Variants in TTC39A observed in about 807,000 individuals in gnomAD.
The protein encoded by TTC39A is tetratricopeptide repeat domain 39A, also known as tetratricopeptide repeat protein 39A.
Under a neutral mutation model 82.3 loss-of-function variants are expected in TTC39A, and 46 were observed. The ratio of observed to expected loss-of-function variants is 0.56; its 90% confidence interval spans 0.44 to 0.71. The LOEUF is 0.71. Ranked by LOEUF, TTC39A falls within the 30% of genes least tolerant of loss-of-function variation. The pLI is 0.00. For missense variants in TTC39A, 543 were observed against 712.9 expected, an observed-to-expected ratio of 0.76 and a Z score of 2.71; for synonymous variants, 254 against 275.2, an observed-to-expected ratio of 0.92 and a Z score of 0.76.
At chr1:51,302,064 C>T (rs1283885560) in intron 11 of TTC39A, 1 of 715,380 alleles carries the variant, frequency 1.4e-6, no homozygotes, top group Non-Finnish European at 2.6e-6. Flanking sequence ...GATGGGCTTT[C>T]CTAACCTCTG....
rs749200792 is a variant in TTC39A at position 51,311,281 on chromosome 1, C to T, written c.396G>A (p.Leu132=). ...HAEVCYAECL[L]QRAALTFLQD... ...GCAGGAAGGTCAGGGCTGCTCGCTG[C>T]AGCAGGCACTCTGCATAGCAGACCT... The change falls in exon 5 of 18, where the codon CTG becomes CTA. Residue 132 remains leucine (L), a synonymous_variant. Transcript: ENST00000680483. The T allele has an allele frequency of 3.7e-5, 58 of 1,587,500 alleles. No homozygotes were observed. The highest frequency in any genetic ancestry group is 4.6e-5 in the Non-Finnish European group (54 of 1,167,246).
chr1:51,310,944 G>C (rs1645058478), intron 5 of TTC39A, among the ~76,000 whole-genome samples: 1 of 152,234 alleles, frequency 6.6e-6, no homozygotes, highest in African/African-American at 2.4e-5. Flanking sequence ...CAAATGGAAA[G>C]CAGGCTTTGA....
Position 51,312,841 on chromosome 1 carries a change from C to G in TTC39A, c.249G>C (p.Met83Ile), listed in dbSNP as rs765444885. ...GACACAGCATCTGTGCCTCCTTCAT[C>G]ATGTTGCCGGCAAGCAGGATGTCCT... ...DPQDILLAGN[M>I]MKEAQMLCQR... The change falls in exon 3 of 18, where the codon ATG (methionine) becomes ATC (isoleucine). Residue 83 changes from methionine to isoleucine, a missense_variant. By Grantham distance (10) the Met-to-Ile change is conservative. Coordinates refer to ENST00000680483, the MANE Select transcript of TTC39A (RefSeq NM_001297663.2). 2.0e-5 allele frequency: 33 copies of G among 1,613,968 alleles called. No homozygotes were observed. The highest frequency in any genetic ancestry group is 2.8e-5 in the Non-Finnish European group (33 of 1,179,842).
chr1:51,324,547 G>A (rs1645641853), intron 1 of TTC39A, among the ~76,000 whole-genome samples: 1 of 151,920 alleles, frequency 6.6e-6, no homozygotes, highest in African/African-American at 2.4e-5. Flanking sequence ...TTGAGGAGAG[G>A]GTGTCTCTCT....
Position 51,305,124 on chromosome 1 carries a change from C to T in TTC39A, c.611G>A (p.Arg204Lys). The T allele has an allele frequency of 6.2e-7, 1 of 1,613,520 alleles. No individual in the cohort carries two copies. Among genetic ancestry groups the T allele is most frequent in the Non-Finnish European group, 8.5e-7 (1 of 1,179,602 alleles). The change falls in exon 8 of 18, where the codon AGG (arginine) becomes AAG (lysine). Residue 204 changes from arginine (R) to lysine (K), a missense_variant. By Grantham distance (26) the Arg-to-Lys change is conservative. Transcript: ENST00000680483. Reference sequence around the variant, plus strand: ...CACAAACTCCAACAGCCTCAGGATCCTAGTAGGAAGCATGGACAGTGTCTG... The same window carrying T: ...CACAAACTCCAACAGCCTCAGGATCTTAGTAGGAAGCATGGACAGTGTCTG... ...FNLTLSMLPT[R>K]ILRLLEFVGF... is the part of the protein sequence containing the mutation.
chr1:51,338,988 G>A (rs1370781486), intron 1 of TTC39A, among the ~76,000 whole-genome samples: 1 of 152,142 alleles, frequency 6.6e-6, no homozygotes, highest in Non-Finnish European at 1.5e-5. Flanking sequence ...TAAAGCAATT[G>A]CCCACATACT....
At chr1:51,302,113 A>G (rs1319616040) in intron 11 of TTC39A, 4 of 721,568 alleles carry the variant, frequency 5.5e-6, no homozygotes, top group Admixed American at 2.0e-5. Flanking sequence ...CTCCACTGCA[A>G]TGCTGCAGTC....
rs1569738556 is a variant in TTC39A, at chr1:51,290,384, A to C, written c.1378+130T>G. The C allele has an allele frequency of 4.7e-6, 4 of 849,496 alleles. No individual in the cohort carries two copies. The South Asian group carries it at 7.2e-5, about 15-fold the overall frequency. The allele number at this position is 849,496 out of a possible 1,614,324, so 52.6% of individuals were successfully genotyped here. A position where few individuals can be genotyped will look rare whatever the true frequency, so the allele number is the denominator to read the frequency against. The stretch of plus-strand genomic sequence containing the variant: ...TGGACAAGGAACAGCTGCTTGGAGG[A>C]GCTCAGTCTAGAGAGATAAAGGAGA... On this transcript the variant is annotated intron_variant, in intron 15 of 17. Coordinates refer to ENST00000680483, the MANE Select transcript of TTC39A (RefSeq NM_001297663.2).
intron 7 of TTC39A, among the ~76,000 whole-genome samples, 189 bp downstream of exon 7, chr1:51,305,788 G>A (rs1481283872): frequency 2.6e-5 from 4 of 152,118 alleles, no homozygotes; most frequent in Admixed American, 6.5e-5. Flanking sequence ...GCTGGCTCCA[G>A]CGCCCACACC....
chr1:51,339,742 G>C (rs898124116), intron 1 of TTC39A, among the ~76,000 whole-genome samples: 1 of 152,170 alleles, frequency 6.6e-6, no homozygotes, highest in African/African-American at 2.4e-5. Context: ...TGGGCAACAT[G>C]GTGAAACCCC....
chr1:51,291,224 C>T (rs1244004890), intron 14 of TTC39A, among the ~76,000 whole-genome samples: 1 of 152,118 alleles, frequency 6.6e-6, no homozygotes, highest in Non-Finnish European at 1.5e-5. Flanking sequence ...GGCACAGCGG[C>T]TCACGCCTGT....
chr1:51,344,952 G>A (rs1286845906), intron 1 of TTC39A: 3 of 1,524,946 alleles, frequency 2.0e-6, no homozygotes, highest in Admixed American at 4.1e-5. Flanking sequence ...CCTTGGTCCC[G>A]TCCGCGCCTT....
At chr1:51,329,319 T>C (rs1243549609) in intron 1 of TTC39A, among the ~76,000 whole-genome samples, 1 of 152,128 alleles carries the variant, frequency 6.6e-6, no homozygotes, top group African/African-American at 2.4e-5. Context: ...GCTTTACAAA[T>C]ACTTGAGCCC....
intron 1 of TTC39A, among the ~76,000 whole-genome samples, chr1:51,326,597 C>G (rs1330205553): frequency 6.6e-6 from 1 of 152,212 alleles, no homozygotes; most frequent in African/African-American, 2.4e-5. Flanking sequence ...TTCACTCAGT[C>G]CTGCCAGCAG....
chr1:51,344,915 C>G, intron 1 of TTC39A: 2 of 1,498,748 alleles, frequency 1.3e-6, no homozygotes, highest in Non-Finnish European at 1.8e-6. Context: ...GCTGTTTCCC[C>G]GACGTCGGCT....
chr1:51,291,211 C>G (rs1277995419), intron 14 of TTC39A, among the ~76,000 whole-genome samples: 2 of 151,984 alleles, frequency 1.3e-5, no homozygotes, highest in Non-Finnish European at 2.9e-5. Flanking sequence ...TTGGGGGGGG[C>G]CAGGCACAGC....
At chr1:51,327,421 TA>T (rs1364356472) in intron 1 of TTC39A, among the ~76,000 whole-genome samples, 1 of 152,178 alleles carries the variant, frequency 6.6e-6, no homozygotes, top group Non-Finnish European at 1.5e-5. Flanking sequence ...TAGCTGCACA[TA>T]AATGTGTCAC....
At chr1:51,306,405 G>C (rs941215125) in intron 6 of TTC39A, among the ~76,000 whole-genome samples, 2 of 152,182 alleles carry the variant, frequency 1.3e-5, no homozygotes, top group East Asian at 3.8e-4. Context: ...CTTTGTTGGT[G>C]GGGGTGGCAG....
chr1:51,331,303 C>G, upstream of TTC39A: 1 of 1,543,590 alleles, frequency 6.5e-7, no homozygotes, highest in Admixed American at 2.0e-5. Flanking sequence ...CACTGTGCAC[C>G]GAGCCCTGAG....
Sources: allele counts gnomAD v4.1 joint callset (sites outside exome capture counted in the v4.1 genomes callset), GRCh38; gene constraint gnomAD v4.1.1; transcripts MANE v1.5; gene names NCBI Gene and HGNC (gene_info 2026-07-23, HGNC 2026-07-21).